Variants in ZNF250 observed in about 807,000 individuals in gnomAD.
The protein encoded by ZNF250 is zinc finger protein (clone 647).
Under a neutral mutation model 37.1 loss-of-function variants are expected in ZNF250, and 13 were observed. That is an observed-to-expected ratio of 0.35 (90% CI 0.23 to 0.56). ZNF250 has a LOEUF of 0.56. Among genes scored for constraint, ZNF250 ranks in the 20% least tolerant of loss-of-function variants. ZNF250 has a pLI of 0.87. For missense variants in ZNF250, 474 were observed against 697.9 expected, an observed-to-expected ratio of 0.68 and a Z score of 3.61; for synonymous variants, 251 against 265.6, an observed-to-expected ratio of 0.94 and a Z score of 0.54.
intron 1 of ZNF250, among the ~76,000 whole-genome samples, chr8:144,896,812 C>G (rs1295417018): frequency 2.0e-5 from 3 of 152,168 alleles, no homozygotes; most frequent in Non-Finnish European, 4.4e-5. Context: ...TGAGGAGCCC[C>G]CTCTTGAGGC....
chr8:144,887,970 C>A lies in ZNF250; in HGVS notation c.284-1068G>T, dbSNP rs1050774950. ...GCTTTCAAGGGGAAAACCACCACATCTGAAATGCTGAAGCTGATCAGCCAA... is the reference window on the plus strand; with the variant it reads ...GCTTTCAAGGGGAAAACCACCACATATGAAATGCTGAAGCTGATCAGCCAA... On this transcript the variant is annotated intron_variant, in intron 4 of 5. Coordinates refer to ENST00000417550, the MANE Select transcript of ZNF250 (RefSeq NM_001109689.4). 5.9e-5 allele frequency among the ~76,000 whole-genome samples: 9 copies of A among 152,214 alleles called. 1 individual carries two copies. The highest frequency in any genetic ancestry group is 1.9e-4 in the African/African-American group (8 of 41,470).
rs1831541580 is a variant in ZNF250, at chr8:144,882,304, G to C, written c.879C>G (p.Leu293=). ...CRKAFTQLSH[L]IQHQRIHTGE... ...CCGTGTGGATCCGCTGGTGCTGAAT[G>C]AGATGTGAGAGTTGAGTGAAGGCTT... Residue 293 remains leucine, a synonymous_variant, in exon 6 of 6, where the codon CTC becomes CTG. Coordinates refer to ENST00000417550, the MANE Select transcript of ZNF250 (RefSeq NM_001109689.4). The surrounding 1 kb of genome is among the most constrained non-coding windows in gnomAD (Gnocchi z 5.5). 6.2e-7 allele frequency: 1 copy of C among 1,613,486 alleles called. No homozygotes were observed. Among genetic ancestry groups the C allele is most frequent in the Non-Finnish European group, 8.5e-7 (1 of 1,179,744 alleles).
chr8:144,899,948 G>A (rs1832988430), intron 1 of ZNF250, among the ~76,000 whole-genome samples: 1 of 152,076 alleles, frequency 6.6e-6, no homozygotes, highest in Non-Finnish European at 1.5e-5. Context: ...ATGCCTTAAG[G>A]CAAAATATTT....
rs1198523788 is a variant in ZNF250, at chr8:144,880,190, C to G, written c.*1325G>C. ...GGCAATGGATACTGGACTCTTGAAC[C>G]AGGAGTAAAAAAATGAAAAAAAAAA... On this transcript the variant is annotated 3_prime_UTR_variant, in exon 6 of 6. Transcript: ENST00000417550. 6.2e-5 allele frequency: 14 copies of G among 225,136 alleles called. No individual in the cohort carries two copies. Among genetic ancestry groups the G allele is most frequent in the Admixed American group, 6.0e-4 (12 of 19,984 alleles). 13.9% of individuals were successfully genotyped at this position (225,136 alleles called of 1,614,324 possible).
At chr8:144,887,843 T>TAC (rs1832003923) in intron 4 of ZNF250, among the ~76,000 whole-genome samples, 1 of 152,240 alleles carries the variant, frequency 6.6e-6, no homozygotes, top group African/African-American at 2.4e-5. Context: ...GGCTGGCATG[T>TAC]ACCTTGTTCC....
Position 144,897,653 on chromosome 8 carries a change from G to T in ZNF250, c.-55+3746C>A, listed in dbSNP as rs1405860462. Among the ~76,000 whole-genome samples the T allele has an allele frequency of 6.6e-6, 1 of 152,158 alleles. No individual in the cohort carries two copies. The highest frequency in any genetic ancestry group is 1.5e-5 in the Non-Finnish European group (1 of 68,026). ...CACAGAAATATAGAGGTGTGAAGTG[G>T]GAAATCAGGGGTCTCACAGCCTTCA... On this transcript the variant is annotated intron_variant, in intron 1 of 5. Transcript: ENST00000417550. This position sits in a 1 kb window ranked among gnomAD's most constrained non-coding sequence, Gnocchi z 5.2.
intron 1 of ZNF250, among the ~76,000 whole-genome samples, chr8:144,900,306 G>GA (rs915464489): frequency 2.0e-5 from 3 of 152,096 alleles, no homozygotes; most frequent in African/African-American, 7.2e-5. Context: ...GTTACGAACT[G>GA]AAAAATCTGC....
chr8:144,895,635 C>G (rs1048151635), intron 1 of ZNF250, among the ~76,000 whole-genome samples: 1 of 152,028 alleles, frequency 6.6e-6, no homozygotes, highest in Non-Finnish European at 1.5e-5. Flanking sequence ...AGACTGCCAC[C>G]TGGGGTGAGT....
chr8:144,885,306 A>C (rs1020274672), intron 5 of ZNF250, among the ~76,000 whole-genome samples: 11 of 152,156 alleles, frequency 7.2e-5, no homozygotes, highest in African/African-American at 2.2e-4. Context: ...TTTTTAGTAG[A>C]GATGGGGTTT....
rs1205801177 is a variant in ZNF250, at chr8:144,882,682, A to G, written c.501T>C (p.Val167=). The G allele has an allele frequency of 1.9e-6, 3 of 1,613,882 alleles. No individual in the cohort carries two copies. Among genetic ancestry groups the G allele is most frequent in the Non-Finnish European group, 2.5e-6 (3 of 1,179,898 alleles). Residue 167 remains valine, a synonymous_variant, in exon 6 of 6, where the codon GTT becomes GTC. Transcript: ENST00000417550. The surrounding 1 kb of genome is among the most constrained non-coding windows in gnomAD (Gnocchi z 5.5). ...TTAAGACCTGAACTTCACGGTGGTC[A>G]ACAGAGTTTGGACTCAGACAGAAGC... ...KQSFCLSPNS[V]DHREVQVLSQ...
intron 1 of ZNF250, among the ~76,000 whole-genome samples, chr8:144,900,460 G>A (rs1027583301): frequency 6.6e-6 from 1 of 152,216 alleles, no homozygotes; most frequent in African/African-American, 2.4e-5. Context: ...TTCTGAAACT[G>A]TTCACAGCTC....
Position 144,881,393 on chromosome 8 carries a change from G to A in ZNF250, c.*122C>T. On this transcript the variant is annotated 3_prime_UTR_variant, in exon 6 of 6. Coordinates refer to ENST00000417550, the MANE Select transcript of ZNF250 (RefSeq NM_001109689.4). The stretch of plus-strand genomic sequence containing the variant: ...AAGTGCTTCTTTCTGGAGTTATTTT[G>A]TGACACTGAATCGCCAAAGAAAAGC... 2 of 1,389,240 alleles carry A rather than the reference G, an allele frequency of 1.4e-6. No homozygotes were observed. Among genetic ancestry groups the A allele is most frequent in the South Asian group, 1.6e-5 (1 of 61,820 alleles). 86.1% of individuals were successfully genotyped at this position (1,389,240 alleles called of 1,614,324 possible).
At position 144,882,256 on chromosome 8, in the gene ZNF250, C is replaced by A; in HGVS notation, c.927G>T (p.Pro309=). The change falls in exon 6 of 6, where the codon CCG becomes CCT. Residue 309 remains proline (P), a synonymous_variant. Transcript: ENST00000417550. This position sits in a 1 kb window ranked among gnomAD's most constrained non-coding sequence, Gnocchi z 5.5. ...IHTGERPYVC[P]LCGKAFNHST... ...TATGGTTGAAGGCTTTCCCACACAA[C>A]GGACACACATATGGCCTTTCTCCCG... 6.2e-7 allele frequency: 1 copy of A among 1,613,838 alleles called. No homozygotes were observed. Among genetic ancestry groups the A allele is most frequent in the Non-Finnish European group, 8.5e-7 (1 of 1,179,922 alleles).
At chr8:144,886,985 G>A (rs867900496) in intron 4 of ZNF250, 83 bp from the exon 5 acceptor site, 35 of 1,258,886 alleles carry the variant, frequency 2.8e-5, no homozygotes, top group Middle Eastern at 3.8e-4. Context: ...GGTGGCTCAC[G>A]TCTGTAATCC....
At chr8:144,888,144 G>A (rs990698964) in intron 4 of ZNF250, among the ~76,000 whole-genome samples, 1 of 152,218 alleles carries the variant, frequency 6.6e-6, no homozygotes, top group Non-Finnish European at 1.5e-5. Flanking sequence ...GAACTTCAGG[G>A]TTGGATCTAT....
At chr8:144,899,462 T>C (rs904564852) in intron 1 of ZNF250, among the ~76,000 whole-genome samples, 35 of 152,242 alleles carry the variant, frequency 2.3e-4, no homozygotes, top group African/African-American at 2.4e-5. Flanking sequence ...TTATACATTG[T>C]ATGCTATCCT....
Position 144,890,039 on chromosome 8 carries a change from A to G in ZNF250, c.63T>C (p.Asp21=), listed in dbSNP as rs770466675. The change falls in exon 3 of 6, where the codon GAT becomes GAC. Residue 21 remains aspartate (D), a synonymous_variant. Transcript: ENST00000417550. The surrounding 1 kb of genome is among the most constrained non-coding windows in gnomAD (Gnocchi z 5.1). ...AGPQAKLTFE[D]VAVLLSQDEW... The stretch of plus-strand genomic sequence containing the variant: ...CATCCTGGGAGAGGAGCACAGCCAC[A>G]TCCTCGAAGGTCAGCTTGGCCTGGA... 18 of 1,612,998 alleles carry G rather than the reference A, an allele frequency of 1.1e-5. No homozygotes were observed. The highest frequency in any genetic ancestry group is 1.7e-5 in the Admixed American group (1 of 59,824).
chr8:144,899,554 A>G (rs1046698017), intron 1 of ZNF250, among the ~76,000 whole-genome samples: 1 of 152,186 alleles, frequency 6.6e-6, no homozygotes, highest in Non-Finnish European at 1.5e-5. Flanking sequence ...AAATACAGGT[A>G]TATTTTTATT....
In ZNF250 at chr8:144,882,037, G is replaced by A. The variant is rs752620613; in HGVS notation, c.1146C>T (p.Asn382=). ...SDRSVLIQHH[N]VHTGEKPYEC... ...CATAGGGCTTCTCCCCGGTGTGCACGTTGTGGTGCTGAATGAGGACTGAGC... is the reference window on the plus strand; with the variant it reads ...CATAGGGCTTCTCCCCGGTGTGCACATTGTGGTGCTGAATGAGGACTGAGC... The change falls in exon 6 of 6, where the codon AAC becomes AAT. Residue 382 remains asparagine (N), a synonymous_variant. Coordinates refer to ENST00000417550, the MANE Select transcript of ZNF250 (RefSeq NM_001109689.4). This position sits in a 1 kb window ranked among gnomAD's most constrained non-coding sequence, Gnocchi z 5.5. 6 of 1,611,520 alleles carry A rather than the reference G, an allele frequency of 3.7e-6. No homozygotes were observed. Among genetic ancestry groups the A allele is most frequent in the Middle Eastern group, 1.7e-4 (1 of 6,032 alleles).
Sources: gnomAD v4.1 joint callset for allele counts (sites outside exome capture counted in the v4.1 genomes callset) on GRCh38, gnomAD v4.1.1 for gene constraint, Gnocchi (gnomAD v3.1) non-coding constraint, MANE v1.5 for transcripts, NCBI Gene and HGNC (gene_info 2026-07-23, HGNC 2026-07-21) for gene names.